The following B3GALT1 variants were observed in gnomAD, a reference collection of about 807,000 sequenced individuals.
The protein encoded by B3GALT1 is beta-1,3-galactosyltransferase 1, also known as UDP-Gal:betaGlcNAc beta 1,3-galactosyltransferase, polypeptide 1.
Under a neutral mutation model 23.2 loss-of-function variants are expected in B3GALT1, and 10 were observed. The ratio of observed to expected loss-of-function variants is 0.43; its 90% CI spans 0.27 to 0.73. The LOEUF (loss-of-function observed/expected upper bound fraction) is 0.73. B3GALT1 is among the 30% of genes least tolerant of loss of function. B3GALT1 has a pLI of 0.21. For synonymous variants in B3GALT1, 156 were observed against 141.5 expected, an observed-to-expected ratio of 1.10 and a Z score of -0.73; for missense variants, 299 against 405.4, an observed-to-expected ratio of 0.74 and a Z score of 2.25.
intron 2 of B3GALT1, among the ~76,000 whole-genome samples, chr2:167,614,292 C>T (rs902406033): frequency 6.8e-6 from 1 of 147,678 alleles, no homozygotes; most frequent in African/African-American, 2.5e-5. Context: ...AAAAAAAAAA[C>T]CCATTCAATT....
rs551217468 is a variant in B3GALT1 at position 167,384,492 on chromosome 2, A to C, written c.-511+91158A>C. Among the ~76,000 whole-genome samples the C allele has an allele frequency of 1.5e-4, 23 of 152,252 alleles. No individual in the cohort carries two copies. In the South Asian group the frequency reaches 2.1e-3, roughly 14 times the overall value. On this transcript the variant is annotated intron_variant, in intron 1 of 4. Coordinates refer to ENST00000392690, the MANE Select transcript of B3GALT1 (RefSeq NM_020981.4). ...ACCCCTTCCTGATCCCCATCCACCC[A>C]CTTCCTCACACATACTTCCTATATT...
At chr2:167,822,560 T>C (rs1337435472) in intron 4 of B3GALT1, among the ~76,000 whole-genome samples, 1 of 152,164 alleles carries the variant, frequency 6.6e-6, no homozygotes, top group Non-Finnish European at 1.5e-5. Flanking sequence ...GACAAAGAGA[T>C]TATTAAAATA....
chr2:167,722,783 C>G (rs1687254970), intron 3 of B3GALT1, among the ~76,000 whole-genome samples: 1 of 152,114 alleles, frequency 6.6e-6, no homozygotes, highest in South Asian at 2.1e-4. Flanking sequence ...AGCTCAAATT[C>G]CTAAATCAAG....
At chr2:167,429,612 G>C (rs1243152264) in intron 1 of B3GALT1, among the ~76,000 whole-genome samples, 1 of 152,086 alleles carries the variant, frequency 6.6e-6, no homozygotes, top group East Asian at 1.9e-4. Flanking sequence ...GGCCATATGA[G>C]TTTCTGATAA....
At chr2:167,432,808 A>G (rs1698725201) in intron 1 of B3GALT1, among the ~76,000 whole-genome samples, 1 of 152,200 alleles carries the variant, frequency 6.6e-6, no homozygotes, top group Non-Finnish European at 1.5e-5. Flanking sequence ...CAAACTGAGC[A>G]GGAGGTACCC....
At chr2:167,607,463 C>T (rs1278618278) in intron 2 of B3GALT1, among the ~76,000 whole-genome samples, 3 of 152,142 alleles carry the variant, frequency 2.0e-5, no homozygotes, top group African/African-American at 4.8e-5. Flanking sequence ...TTATTACTTA[C>T]GATCTTACTG....
intron 3 of B3GALT1, among the ~76,000 whole-genome samples, chr2:167,790,861 A>G (rs1482616994): frequency 6.6e-6 from 1 of 152,284 alleles, no homozygotes. Context: ...AGCTACAAAA[A>G]CACCAAGCCA....
At chr2:167,314,802 T>G (rs1371905762) in intron 1 of B3GALT1, among the ~76,000 whole-genome samples, 1 of 152,116 alleles carries the variant, frequency 6.6e-6, no homozygotes, top group Non-Finnish European at 1.5e-5. Flanking sequence ...CTGAACTTCC[T>G]TCTTCTCACA....
chr2:167,787,981 T>C (rs1051044701), intron 3 of B3GALT1, among the ~76,000 whole-genome samples: 2 of 152,150 alleles, frequency 1.3e-5, no homozygotes, highest in Non-Finnish European at 2.9e-5. Flanking sequence ...GTAGCCCCAT[T>C]CAGGTTGGAC....
At chr2:167,669,566 ATATC>A (rs72177517) in intron 3 of B3GALT1, among the ~76,000 whole-genome samples, 6,485 of 152,310 alleles carry the variant, frequency 0.043, 211 homozygotes, top group South Asian at 0.063. Context: ...TTATAGGAAA[ATATC>A]AATCATTAAA....
intron 1 of B3GALT1, among the ~76,000 whole-genome samples, chr2:167,487,676 T>C (rs1332115216): frequency 2.6e-5 from 4 of 152,222 alleles, no homozygotes; most frequent in African/African-American, 9.6e-5. Context: ...AATATTTTCA[T>C]ATGCTTTAAA....
intron 3 of B3GALT1, among the ~76,000 whole-genome samples, chr2:167,701,541 A>G (rs1235822951): frequency 6.6e-6 from 1 of 152,226 alleles, no homozygotes; most frequent in Non-Finnish European, 1.5e-5. Flanking sequence ...GGGTTTCATA[A>G]CAATAAAAAT....
chr2:167,714,405 C>A (rs1687111270), intron 3 of B3GALT1: 1 of 1,545,544 alleles, frequency 6.5e-7, no homozygotes, highest in Non-Finnish European at 8.9e-7. Flanking sequence ...CTTCCTCCTC[C>A]CCCTGGAAGC....
chr2:167,799,695 G>T (rs1245512499), intron 3 of B3GALT1, among the ~76,000 whole-genome samples: 3 of 152,162 alleles, frequency 2.0e-5, no homozygotes, highest in Non-Finnish European at 2.9e-5. Context: ...GTTTTGAGAA[G>T]TCATGCTTTC....
chr2:167,455,111 A>G (rs116990360), intron 1 of B3GALT1, among the ~76,000 whole-genome samples: 1 of 152,210 alleles, frequency 6.6e-6, no homozygotes, highest in Non-Finnish European at 1.5e-5. Flanking sequence ...ACTTATCCAC[A>G]TATGGATTTC....
intron 2 of B3GALT1, among the ~76,000 whole-genome samples, chr2:167,546,402 G>T (rs139761608): frequency 6.6e-6 from 1 of 152,148 alleles, no homozygotes; most frequent in Admixed American, 6.5e-5. Flanking sequence ...AATACCTCTA[G>T]TTGCTAGTTC....
chr2:167,802,272 G>A (rs13427223), intron 3 of B3GALT1, among the ~76,000 whole-genome samples: 33,446 of 152,080 alleles, frequency 0.22, 4,513 homozygotes, highest in African/African-American at 0.36. Context: ...AGCCTCTGAA[G>A]TTACAAGGAA....
intron 3 of B3GALT1, among the ~76,000 whole-genome samples, chr2:167,779,343 G>A (rs965909299): frequency 3.9e-5 from 6 of 152,136 alleles, no homozygotes; most frequent in South Asian, 2.1e-4. Flanking sequence ...TGATTAGAAG[G>A]GAATGACAGA....
At chr2:167,829,000 C>T (rs959048761) in intron 4 of B3GALT1, among the ~76,000 whole-genome samples, 1 of 152,136 alleles carries the variant, frequency 6.6e-6, no homozygotes, top group African/African-American at 2.4e-5. Flanking sequence ...CAGAGAGAAA[C>T]GTTTACCAAA....
Sources: gnomAD v4.1 joint callset for allele counts (sites outside exome capture counted in the v4.1 genomes callset) on GRCh38, gnomAD v4.1.1 for gene constraint, MANE v1.5 for transcripts, NCBI Gene and HGNC (gene_info 2026-07-23, HGNC 2026-07-21) for gene names.